NEB: variants seen among roughly 807,000 people sequenced by gnomAD.
NEB encodes the protein nemaline myopathy type 2.
Under a neutral mutation model 952.2 loss-of-function variants are expected in NEB, and 512 were observed. The ratio of observed to expected loss-of-function variants is 0.54; its 90% CI spans 0.50 to 0.58. The LOEUF (loss-of-function observed/expected upper bound fraction) is 0.58, where lower values mean the gene tolerates loss of function less well. Among genes scored for constraint, NEB ranks in the 20% least tolerant of loss-of-function variants. The pLI is 0.00. For synonymous variants in NEB, 2,900 were observed against 3,149.8 expected (o/e 0.92, Z 2.66); for missense variants, 8,428 against 9,231.1 (o/e 0.91, Z 3.56).
At chr2:151,540,532 G>A in intron 137 of NEB, 84 bp from the exon 138 acceptor site, 2 of 1,166,390 alleles carry the variant, frequency 1.7e-6, no homozygotes, top group East Asian at 2.6e-5. Flanking sequence ...TTGTGGAGGG[G>A]CACAATGTGT....
rs201965465 is a variant in NEB at position 151,627,782 on chromosome 2, C to T, written c.9884G>A (p.Arg3295Gln). ...RKQLGHHIGA[R>Q]NIEDDPKMMW... The stretch of plus-strand genomic sequence containing the variant: ...CATCTTGGGGTCATCTTCAATGTTC[C>T]GGGCTCCAATGTGGTGGCCGAGCTG... The change falls in exon 69 of 182, where the codon CGG becomes CAG. Residue 3295 changes from arginine to glutamine, a missense_variant. Arg to Gln is a conservative substitution (Grantham distance 43). Around this residue, in one of 11 missense-constraint regions of NEB, gnomAD observed 1,772 missense variants for 1,960.3 expected, o/e 0.90. Coordinates refer to ENST00000397345, the MANE Select transcript of NEB (RefSeq NM_001164508.2). 10 of 1,613,786 alleles carry T rather than the reference C, an allele frequency of 6.2e-6. No homozygotes were observed. In the Admixed American group the frequency reaches 1.2e-4, roughly 19 times the overall value.
chr2:151,687,644 G>T lies in NEB; in HGVS notation c.2505C>A (p.Asn835Lys), dbSNP rs1448349489. 1.9e-6 allele frequency: 3 copies of T among 1,612,360 alleles called. No individual in the cohort carries two copies. Among genetic ancestry groups the T allele is most frequent in the Non-Finnish European group, 2.5e-6 (3 of 1,179,026 alleles). ...DAIPLLAAKANTKNTSDVMYK... is the reference protein window; with the variant it reads ...DAIPLLAAKAKTKNTSDVMYK... ...CACTCACATCGCTGGTGTTCTTGGT[G>T]TTGGCTTTGGCTGCCAACAGGGGAA... The change falls in exon 26 of 182, where the codon AAC (asparagine) becomes AAA (lysine). Residue 835 changes from asparagine (N) to lysine (K), a missense_variant. By Grantham distance (94) the Asn-to-Lys change is moderately conservative (BLOSUM62 0). This residue lies in a region of NEB where 2,851 missense variants were observed against 2,791.5 expected (regional missense o/e 1.02). Coordinates refer to ENST00000397345, the MANE Select transcript of NEB (RefSeq NM_001164508.2).
At chr2:151,557,157 T>C (rs2095702315) in intron 124 of NEB, among the ~76,000 whole-genome samples, 1 of 151,762 alleles carries the variant, frequency 6.6e-6, no homozygotes, top group Non-Finnish European at 1.5e-5. Flanking sequence ...AAGAATCAAA[T>C]AGACACAATA....
chr2:151,669,193 CAG>C (rs2099256065), intron 38 of NEB, 62 bp from the exon 39 acceptor site: 8 of 1,161,532 alleles, frequency 6.9e-6, no homozygotes, highest in African/African-American at 3.1e-5. Flanking sequence ...TTTCATCAAG[CAG>C]AGACTCCTTT....
chr2:151,666,061 T>G, intron 41 of NEB, 29 bp downstream of exon 41: 1 of 1,580,466 alleles, frequency 6.3e-7, no homozygotes, highest in Non-Finnish European at 8.6e-7. Flanking sequence ...CCATTAGAAA[T>G]GGATAACAAC....
rs948076013 is a variant in NEB, at chr2:151,644,677, T to C, written c.7537-102A>G. The stretch of plus-strand genomic sequence containing the variant: ...ATATTTTGAGTCCATGAGAATAGCA[T>C]CTGTGCCCTAAAATACTCAAATGTA... On this transcript the variant is annotated intron_variant, in intron 55 of 181. Coordinates refer to ENST00000397345, the MANE Select transcript of NEB (RefSeq NM_001164508.2). 8.5e-6 allele frequency: 8 copies of C among 939,002 alleles called. No individual in the cohort carries two copies. The African/African-American group carries it at 1.3e-4, about 15-fold the overall frequency. The allele number at this position is 939,002 out of a possible 1,614,324, so 58.2% of individuals were successfully genotyped here. A position where few individuals can be genotyped will look rare whatever the true frequency, so the allele number is the denominator to read the frequency against.
At chr2:151,729,725 G>A in intron 3 of NEB, 69 bp from the exon 4 acceptor site, 3 of 1,505,646 alleles carry the variant, frequency 2.0e-6, no homozygotes, top group Non-Finnish European at 2.8e-6. Context: ...TGCCTCAGCT[G>A]AACCACTTAG....
rs375114931 is a variant in NEB, at chr2:151,667,787, T to C, written c.4719+17A>G. Reference sequence around the variant, plus strand: ...GTCTTTTAGATAGAAAGTTTCCTACTTTTAAGTTAGACTTACATCACTAGC... The same window carrying C: ...GTCTTTTAGATAGAAAGTTTCCTACCTTTAAGTTAGACTTACATCACTAGC... On this transcript the variant is annotated intron_variant, in intron 40 of 181. Coordinates refer to ENST00000397345, the MANE Select transcript of NEB (RefSeq NM_001164508.2). 1 of 1,602,948 alleles carries C rather than the reference T, an allele frequency of 6.2e-7. No homozygotes were observed. Among genetic ancestry groups the C allele is most frequent in the Non-Finnish European group, 8.5e-7 (1 of 1,171,202 alleles).
At chr2:151,523,704 G>C (rs1163078126) in intron 153 of NEB, among the ~76,000 whole-genome samples, 1 of 152,118 alleles carries the variant, frequency 6.6e-6, no homozygotes, top group Non-Finnish European at 1.5e-5. Flanking sequence ...ACATTTCTGA[G>C]TCCATTTGCT....
chr2:151,624,256 T>C (rs998647330), intron 71 of NEB, among the ~76,000 whole-genome samples: 3 of 152,116 alleles, frequency 2.0e-5, no homozygotes, highest in African/African-American at 7.2e-5. Flanking sequence ...TGCATGATCA[T>C]GCAATTTTAA....
intron 73 of NEB, among the ~76,000 whole-genome samples, chr2:151,619,054 G>A (rs776182360): frequency 3.3e-5 from 5 of 152,158 alleles, no homozygotes; most frequent in East Asian, 3.9e-4. Context: ...AGTATAAAAT[G>A]TAAATTAAAG....
In NEB at chr2:151,547,448, A is replaced by G; in HGVS notation, c.20348T>C (p.Val6783Ala). The G allele has an allele frequency of 6.2e-7, 1 of 1,602,298 alleles. No individual in the cohort carries two copies. The change falls in exon 133 of 182, where the codon GTG becomes GCG. Residue 6783 changes from valine to alanine, a missense_variant. Coordinates refer to ENST00000397345, the MANE Select transcript of NEB (RefSeq NM_001164508.2). ...YTPQVIHCRY[V>A]GDITSDIKYK... ...GCTTACATCACTGGTGATGTCTCCC[A>G]CATAGCGGCAATGGATCACTTGGGG... is the stretch of plus-strand genomic sequence containing the variant.
intron 151 of NEB, 45 bp downstream of exon 151, chr2:151,525,118 A>T: frequency 7.4e-7 from 1 of 1,356,568 alleles, no homozygotes; most frequent in Non-Finnish European, 1.1e-6. Flanking sequence ...TCTGGGTTCC[A>T]CTGCTTCAAA....
At chr2:151,633,180 C>G (rs919914352) in intron 65 of NEB, among the ~76,000 whole-genome samples, 2 of 152,174 alleles carry the variant, frequency 1.3e-5, no homozygotes, top group African/African-American at 4.8e-5. Flanking sequence ...GTGGCTCCTC[C>G]ATAGACAGCC....
intron 13 of NEB, among the ~76,000 whole-genome samples, chr2:151,704,468 G>A (rs1163539151): frequency 1.9e-4 from 29 of 149,870 alleles, no homozygotes; most frequent in South Asian, 8.6e-4. Context: ...CCTCGCTGCC[G>A]CCTTGCAGTT....
intron 178 of NEB, 75 bp from the exon 179 acceptor site, chr2:151,491,850 TAAC>T: frequency 8.2e-7 from 1 of 1,221,104 alleles, no homozygotes; most frequent in Non-Finnish European, 1.2e-6. Flanking sequence ...GCATGAATTT[TAAC>T]AACCACCAAA....
At position 151,656,480 on chromosome 2, in the gene NEB, G is replaced by A. The variant is rs747929421; in HGVS notation, c.6184-16C>T. On this transcript the variant is annotated splice_polypyrimidine_tract_variant and intron_variant, in intron 48 of 181. Coordinates refer to ENST00000397345, the MANE Select transcript of NEB (RefSeq NM_001164508.2). ...TGTATTTATACTGTGAAGAAAATAT[G>A]AGTTTTTACACAGAGCAATTCCTTT... The A allele has an allele frequency of 6.4e-7, 1 of 1,563,382 alleles. No homozygotes were observed. The highest frequency in any genetic ancestry group is 1.4e-5 in the African/African-American group (1 of 73,864).
At chr2:151,629,879 T>C (rs139537041) in intron 67 of NEB, among the ~76,000 whole-genome samples, 437 of 152,174 alleles carry the variant, frequency 2.9e-3, no homozygotes, top group Middle Eastern at 0.01. Flanking sequence ...TAACCTATTA[T>C]ATATCATTAT....
At chr2:151,560,541 C>T (rs1467782096) in intron 124 of NEB, 51 bp downstream of exon 124, 1 of 1,155,134 alleles carries the variant, frequency 8.7e-7, no homozygotes, top group East Asian at 3.6e-5. Context: ...GAGTGGAGAG[C>T]AGGGGAGGGG....
Sources: allele counts gnomAD v4.1 joint callset (sites outside exome capture counted in the v4.1 genomes callset), GRCh38; gene constraint gnomAD v4.1.1; regional missense constraint gnomAD v4.1.1; transcripts MANE v1.5; gene names NCBI Gene and HGNC (gene_info 2026-07-23, HGNC 2026-07-21).